EPHA6: variants seen among roughly 807,000 people sequenced by gnomAD.
The protein encoded by EPHA6 is EPH receptor A6.
Under a neutral mutation model 112.0 loss-of-function variants are expected in EPHA6, and 50 were observed. That is an observed-to-expected ratio of 0.45 (90% CI 0.36 to 0.56). The LOEUF (loss-of-function observed/expected upper bound fraction) is 0.56, where lower values mean the gene tolerates loss of function less well. EPHA6 is among the 20% of genes least tolerant of loss of function. The pLI, the probability that EPHA6 is intolerant of heterozygous loss-of-function variation, is 0.00. For synonymous variants in EPHA6, 529 were observed against 490.7 expected, an observed-to-expected ratio of 1.08 and a Z score of -1.03; for missense variants, 1,280 against 1,417.4, an observed-to-expected ratio of 0.90 and a Z score of 1.56.
chr3:97,235,324 A>G (rs1263438871), intron 4 of EPHA6, among the ~76,000 whole-genome samples: 1 of 152,076 alleles, frequency 6.6e-6, no homozygotes, highest in African/African-American at 2.4e-5. Flanking sequence ...GTTAGCCAGT[A>G]TTATTGCTTT....
intron 11 of EPHA6, among the ~76,000 whole-genome samples, chr3:97,534,839 A>G (rs1353877535): frequency 5.3e-5 from 8 of 152,116 alleles, no homozygotes; most frequent in Non-Finnish European, 1.2e-4. Context: ...AAGTTGGGTT[A>G]TGAACCTTTG....
chr3:96,907,767 C>A (rs946862484), intron 2 of EPHA6, among the ~76,000 whole-genome samples: 1 of 151,774 alleles, frequency 6.6e-6, no homozygotes, highest in Admixed American at 6.6e-5. Flanking sequence ...TAATTTACAA[C>A]ATACCTTGAG....
intron 2 of EPHA6, among the ~76,000 whole-genome samples, chr3:96,935,646 A>G (rs1485127289): frequency 1.3e-5 from 2 of 148,542 alleles, no homozygotes; most frequent in Non-Finnish European, 3.0e-5. Context: ...TAAATATTAT[A>G]TATATTTATA....
At position 97,416,726 on chromosome 3, in the gene EPHA6, T is replaced by G. The variant is rs1384932046; in HGVS notation, c.1731+11452T>G. Among the ~76,000 whole-genome samples, 4 of 152,170 alleles carry G rather than the reference T, an allele frequency of 2.6e-5. No homozygotes were observed. The East Asian group carries it at 7.7e-4, about 29-fold the overall frequency. On this transcript the variant is annotated intron_variant, in intron 6 of 17. Coordinates refer to ENST00000389672, the MANE Select transcript of EPHA6 (RefSeq NM_001080448.3). ...ATTCACATTAGGAATGATATTAAAA[T>G]TTTTAAACAGTATCATATTTGTTTA... is the stretch of plus-strand genomic sequence containing the variant.
At chr3:96,958,329 G>A (rs2107742596) in intron 2 of EPHA6, among the ~76,000 whole-genome samples, 1 of 151,544 alleles carries the variant, frequency 6.6e-6, no homozygotes, top group South Asian at 2.1e-4. Context: ...TTTCAGTTCT[G>A]CCATTTGCTA....
Position 97,327,454 on chromosome 3 carries a change from T to C in EPHA6, c.1607-77696T>C, listed in dbSNP as rs576736591. On this transcript the variant is annotated intron_variant, in intron 5 of 17. Coordinates refer to ENST00000389672, the MANE Select transcript of EPHA6 (RefSeq NM_001080448.3). ...ATAATCCATCAATTTTATTCAACTT[T>C]CCCTACTTTTACTTGTCCTCATTTA... Among the ~76,000 whole-genome samples the C allele has an allele frequency of 2.2e-3, 337 of 151,940 alleles. 3 individuals are homozygous for C. Among genetic ancestry groups the C allele is most frequent in the Non-Finnish European group, 2.4e-3 (162 of 67,920 alleles).
At chr3:97,739,838 AT>A in intron 16 of EPHA6, among the ~76,000 whole-genome samples, 1 of 152,302 alleles carries the variant, frequency 6.6e-6, no homozygotes, top group African/African-American at 2.4e-5. Flanking sequence ...ATAGGCAGTT[AT>A]CCTTTCATAA....
At chr3:97,304,810 A>G (rs2081247396) in intron 5 of EPHA6, among the ~76,000 whole-genome samples, 1 of 152,102 alleles carries the variant, frequency 6.6e-6, no homozygotes, top group Non-Finnish European at 1.5e-5. Flanking sequence ...AGGCAATACC[A>G]TTCAGGACAT....
In EPHA6 at chr3:97,754,271, A is replaced by G. The variant is rs1427705680; in HGVS notation, c.*5570A>G. Among the ~76,000 whole-genome samples the G allele has an allele frequency of 6.6e-6, 1 of 151,990 alleles. No homozygotes were observed. The highest frequency in any genetic ancestry group is 1.5e-5 in the Non-Finnish European group (1 of 67,974). On this transcript the variant is annotated 3_prime_UTR_variant, in exon 18 of 18. Coordinates refer to ENST00000389672, the MANE Select transcript of EPHA6 (RefSeq NM_001080448.3). Reference sequence around the variant, plus strand: ...GCCCAGCTAATTTTGTATTTTTAGTAGAGACGGGATTTCTCCATGTTGGTT... The same window carrying G: ...GCCCAGCTAATTTTGTATTTTTAGTGGAGACGGGATTTCTCCATGTTGGTT...
chr3:97,534,598 A>G (rs1372439502), intron 11 of EPHA6, among the ~76,000 whole-genome samples: 2 of 152,056 alleles, frequency 1.3e-5, no homozygotes, highest in African/African-American at 4.8e-5. Context: ...GGAAAAAAAT[A>G]TTCAGGTAGA....
intron 5 of EPHA6, among the ~76,000 whole-genome samples, chr3:97,355,446 A>T (rs1458867209): frequency 1.3e-5 from 2 of 152,156 alleles, no homozygotes; most frequent in Non-Finnish European, 2.9e-5. Flanking sequence ...AATCAGGGTT[A>T]TGTTGTCATC....
intron 10 of EPHA6, among the ~76,000 whole-genome samples, chr3:97,530,817 C>T (rs1367994993): frequency 6.6e-6 from 1 of 151,898 alleles, no homozygotes; most frequent in Non-Finnish European, 1.5e-5. Context: ...CGCCTTGTTT[C>T]CTTCCTGGTT....
At chr3:97,309,009 G>C (rs959351808) in intron 5 of EPHA6, among the ~76,000 whole-genome samples, 2 of 151,508 alleles carry the variant, frequency 1.3e-5, no homozygotes, top group Non-Finnish European at 3.0e-5. Flanking sequence ...TTCTACAGGA[G>C]AATTAAAAAC....
intron 5 of EPHA6, among the ~76,000 whole-genome samples, chr3:97,335,680 C>T (rs530883426): frequency 1.3e-5 from 2 of 152,250 alleles, no homozygotes; most frequent in Admixed American, 6.5e-5. Flanking sequence ...AACCACCCAA[C>T]ATATTTCACC....
intron 5 of EPHA6, among the ~76,000 whole-genome samples, chr3:97,383,512 G>A (rs1276044597): frequency 6.6e-5 from 10 of 152,034 alleles, no homozygotes; most frequent in African/African-American, 2.4e-4. Context: ...AGTACCAATG[G>A]ATGACATGAA....
At chr3:96,911,510 C>T (rs2039212461) in intron 2 of EPHA6, among the ~76,000 whole-genome samples, 1 of 151,778 alleles carries the variant, frequency 6.6e-6, no homozygotes, top group Non-Finnish European at 1.5e-5. Flanking sequence ...TGAGCATGCC[C>T]ATGGAATACA....
At chr3:97,077,649 T>C (rs1038439980) in intron 3 of EPHA6, among the ~76,000 whole-genome samples, 1 of 150,744 alleles carries the variant, frequency 6.6e-6, no homozygotes, top group African/African-American at 2.4e-5. Context: ...CGCTGTCTGG[T>C]TTTCTGTCCT....
At chr3:97,707,273 A>C (rs1030651695) in intron 14 of EPHA6, among the ~76,000 whole-genome samples, 2 of 152,206 alleles carry the variant, frequency 1.3e-5, no homozygotes, top group African/African-American at 2.4e-5. Flanking sequence ...GCACCATACT[A>C]AATACTGTGA....
rs373260270 is a variant in EPHA6, at chr3:97,273,382, T to C, written c.1606+29095T>C. Among the ~76,000 whole-genome samples, 43 of 152,174 alleles carry C rather than the reference T, an allele frequency of 2.8e-4. No homozygotes were observed. The East Asian group carries it at 7.0e-3, about 25-fold the overall frequency. ...CAGGGCATTTATGAGTAGTTGAGAATGGTGAATAGGTGTATGACTAGACAG... is the reference window on the plus strand; with the variant it reads ...CAGGGCATTTATGAGTAGTTGAGAACGGTGAATAGGTGTATGACTAGACAG... On this transcript the variant is annotated intron_variant, in intron 5 of 17. Transcript: ENST00000389672.
Sources: gnomAD v4.1 joint callset for allele counts (sites outside exome capture counted in the v4.1 genomes callset) on GRCh38, gnomAD v4.1.1 for gene constraint, MANE v1.5 for transcripts, NCBI Gene and HGNC (gene_info 2026-07-23, HGNC 2026-07-21) for gene names.